Variants in MAD1L1 observed in about 807,000 individuals in gnomAD.
MAD1L1 encodes mitotic spindle assembly checkpoint protein MAD1.
In MAD1L1, 95 loss-of-function variants were observed where a neutral mutation model predicts 96.9. The ratio of observed to expected loss-of-function variants is 0.98; its 90% CI spans 0.83 to 1.16. The LOEUF (loss-of-function observed/expected upper bound fraction) is 1.16. MAD1L1 is among the 50% of genes most tolerant of loss of function. MAD1L1 has a pLI of 0.00. For synonymous variants in MAD1L1, 473 were observed against 396.6 expected, an observed-to-expected ratio of 1.19 and a Z score of -2.29; for missense variants, 1,007 against 954.4, an observed-to-expected ratio of 1.06 and a Z score of -0.73.
chr7:1,836,729 T>C (rs1782954276), intron 18 of MAD1L1, among the ~76,000 whole-genome samples: 1 of 152,048 alleles, frequency 6.6e-6, no homozygotes, highest in Non-Finnish European at 1.5e-5. Context: ...AAAAGAATGA[T>C]CTTGATGCTG....
chr7:2,122,527 G>T (rs369840242), intron 11 of MAD1L1, among the ~76,000 whole-genome samples: 2 of 151,968 alleles, frequency 1.3e-5, no homozygotes, highest in African/African-American at 2.4e-5. Flanking sequence ...ACTTGAACCC[G>T]GGAGGCGGAG....
At chr7:2,120,112 G>A (rs1787901562) in intron 11 of MAD1L1, among the ~76,000 whole-genome samples, 4 of 152,140 alleles carry the variant, frequency 2.6e-5, no homozygotes, top group Non-Finnish European at 4.4e-5. Context: ...GCAGTCCCAC[G>A]CCCCACACTG....
At chr7:1,844,721 C>T (rs965846964) in intron 18 of MAD1L1, among the ~76,000 whole-genome samples, 4 of 152,204 alleles carry the variant, frequency 2.6e-5, no homozygotes, top group Admixed American at 1.3e-4. Flanking sequence ...TGGCACAGGC[C>T]GGGCACTGAC....
intron 11 of MAD1L1, among the ~76,000 whole-genome samples, chr7:2,124,617 C>T (rs186363562): frequency 7.0e-4 from 106 of 152,262 alleles, no homozygotes; most frequent in African/African-American, 2.4e-3. Context: ...ACGAAGCCCC[C>T]GCTCTGAGCT....
chr7:2,114,674 TTTTTTTAACAAAGTTTTGA>T lies in MAD1L1; in HGVS notation c.1073+34459_1073+34477del, dbSNP rs1218730093. Among the ~76,000 whole-genome samples, 1 of 152,278 alleles carries T rather than the reference TTTTTTTAACAAAGTTTTGA, an allele frequency of 6.6e-6. No homozygotes were observed. Among genetic ancestry groups the T allele is most frequent in the East Asian group, 1.9e-4 (1 of 5,190 alleles). The stretch of plus-strand genomic sequence containing the variant: ...AGCCTGTTTTTGTAAACAACTTTTG[TTTTTTTAACAAAGTTTTGA>T]TGGAGCACAGCCACCCAGAATCAAA... On this transcript the variant is annotated intron_variant, in intron 11 of 18. Transcript: ENST00000265854. The surrounding 1 kb of genome is among the most constrained non-coding windows in gnomAD (Gnocchi z 4.2).
rs565684759 is a variant in MAD1L1 at position 2,116,579 on chromosome 7, G to C, written c.1073+32573C>G. Among the ~76,000 whole-genome samples, 12 of 150,360 alleles carry C rather than the reference G, an allele frequency of 8.0e-5. 1 individual carries two copies. The South Asian group carries it at 8.5e-4, about 11-fold the overall frequency. Reference sequence around the variant, plus strand: ...CAGGCCAGAGGGTTGGGGGGGGGGGGGGCTCCTGTGTGTACACAGGGCTGC... The same window carrying C: ...CAGGCCAGAGGGTTGGGGGGGGGGGCGGCTCCTGTGTGTACACAGGGCTGC... On this transcript the variant is annotated intron_variant, in intron 11 of 18. Transcript: ENST00000265854.
intron 18 of MAD1L1, among the ~76,000 whole-genome samples, chr7:1,835,001 G>T (rs1481062928): frequency 1.3e-5 from 2 of 152,002 alleles, no homozygotes; most frequent in Non-Finnish European, 2.9e-5. Flanking sequence ...TACAAGGTTG[G>T]TTTAACCCTA....
At chr7:2,214,591 G>A (rs1478093905) in intron 9 of MAD1L1, among the ~76,000 whole-genome samples, 2 of 152,210 alleles carry the variant, frequency 1.3e-5, no homozygotes, top group Non-Finnish European at 2.9e-5. Context: ...AGGCGGCATA[G>A]GTGTGCCAGG....
intron 17 of MAD1L1, among the ~76,000 whole-genome samples, chr7:1,903,865 G>C (rs1260207424): frequency 6.6e-5 from 9 of 137,240 alleles, no homozygotes; most frequent in African/African-American, 1.4e-4. Context: ...AGGCAGCGAG[G>C]ACGCAGTGGC....
chr7:1,896,973 T>C (rs1786914822), intron 18 of MAD1L1, among the ~76,000 whole-genome samples: 2 of 152,268 alleles, frequency 1.3e-5, no homozygotes, highest in Non-Finnish European at 2.9e-5. Context: ...AGTACATTTC[T>C]GATAGCTTAA....
chr7:2,040,547 C>T (rs942221486), intron 12 of MAD1L1, among the ~76,000 whole-genome samples: 5 of 152,214 alleles, frequency 3.3e-5, no homozygotes, highest in African/African-American at 1.2e-4. Context: ...TGCTGCTGAC[C>T]TTATATCCAT....
intron 18 of MAD1L1, among the ~76,000 whole-genome samples, chr7:1,856,684 C>G (rs973958011): frequency 6.6e-6 from 1 of 150,854 alleles, no homozygotes; most frequent in Non-Finnish European, 1.5e-5. Context: ...GGCACAGCCC[C>G]GAAGATGGCA....
At chr7:2,187,342 C>A (rs570638899) in intron 10 of MAD1L1, among the ~76,000 whole-genome samples, 2 of 139,200 alleles carry the variant, frequency 1.4e-5, no homozygotes, top group East Asian at 1.9e-4. Flanking sequence ...CAGCAAGACT[C>A]TGTCTCCAAA....
intron 10 of MAD1L1, among the ~76,000 whole-genome samples, chr7:2,172,417 C>A (rs1263838577): frequency 6.6e-6 from 1 of 152,216 alleles, no homozygotes; most frequent in Admixed American, 6.5e-5. Context: ...GGGCCCAGGG[C>A]CCAGCAGCAG....
At chr7:2,015,646 T>G (rs1021284073) in intron 12 of MAD1L1, among the ~76,000 whole-genome samples, 2 of 152,192 alleles carry the variant, frequency 1.3e-5, no homozygotes, top group Non-Finnish European at 2.9e-5. Flanking sequence ...CCTTCTGGTC[T>G]CAGACGCTGA....
At chr7:1,891,245 G>T (rs565376312) in intron 18 of MAD1L1, among the ~76,000 whole-genome samples, 1 of 152,328 alleles carries the variant, frequency 6.6e-6, no homozygotes, top group South Asian at 2.1e-4. Flanking sequence ...ATTTTAATAG[G>T]CTGGGTGCGG....
chr7:1,832,496 C>A (rs66617818), intron 18 of MAD1L1, among the ~76,000 whole-genome samples: 90,343 of 136,500 alleles, frequency 0.66, 30,749 homozygotes, highest in African/African-American at 0.8. Flanking sequence ...GGTTGAGAGG[C>A]TTGGCTCCAA....
chr7:1,899,573 A>G (rs1417079108), intron 17 of MAD1L1, among the ~76,000 whole-genome samples: 2 of 152,152 alleles, frequency 1.3e-5, no homozygotes, highest in East Asian at 3.9e-4. Flanking sequence ...CCATGGCCAT[A>G]TGGTTGGAGA....
At chr7:1,988,085 G>C (rs377767136) in intron 14 of MAD1L1, among the ~76,000 whole-genome samples, 14 of 152,368 alleles carry the variant, frequency 9.2e-5, no homozygotes, top group African/African-American at 3.4e-4. Context: ...GCCCGTGAGG[G>C]AGGGGAGACC....
Sources: gnomAD v4.1 joint callset for allele counts (sites outside exome capture counted in the v4.1 genomes callset) on GRCh38, gnomAD v4.1.1 for gene constraint, Gnocchi (gnomAD v3.1) non-coding constraint, MANE v1.5 for transcripts, NCBI Gene and HGNC (gene_info 2026-07-23, HGNC 2026-07-21) for gene names.